Variants in CCDC171 observed in about 807,000 individuals in gnomAD.
CCDC171 encodes coiled-coil domain-containing protein 171.
CCDC171 carries 177 observed loss-of-function variants against 168.2 expected under a neutral mutation model. That is an observed-to-expected ratio of 1.05 (90% CI 0.93 to 1.19). The LOEUF (loss-of-function observed/expected upper bound fraction) is 1.19. Ranked by LOEUF, CCDC171 falls within the 50% of genes most tolerant of loss-of-function variation. The pLI, the probability that CCDC171 is intolerant of heterozygous loss-of-function variation, is 0.00. For missense variants in CCDC171, 1,991 were observed against 1,539.0 expected, an observed-to-expected ratio of 1.29 and a Z score of -4.91; for synonymous variants, 687 against 540.8, an observed-to-expected ratio of 1.27 and a Z score of -3.75.
Position 15,571,845 on chromosome 9 carries a change from C to G in CCDC171, c.177+86C>G. 8.3e-6 allele frequency: 10 copies of G among 1,203,676 alleles called. 1 individual carries two copies. Among genetic ancestry groups the G allele is most frequent in the Non-Finnish European group, 1.2e-5 (10 of 860,060 alleles). The allele number at this position is 1,203,676 out of a possible 1,614,324, so 74.6% of individuals were successfully genotyped here. A position where few individuals can be genotyped will look rare whatever the true frequency, so the allele number is the denominator to read the frequency against. On this transcript the variant is annotated intron_variant, in intron 3 of 25. Coordinates refer to ENST00000380701, the MANE Select transcript of CCDC171 (RefSeq NM_173550.4). Reference sequence around the variant, plus strand: ...TCATATGAAAAACTCCATGTTTAACCTTTATAACTATACCATTCTTGGGCT... The same window carrying G: ...TCATATGAAAAACTCCATGTTTAACGTTTATAACTATACCATTCTTGGGCT...
At chr9:15,761,122 G>A (rs777499052) in intron 18 of CCDC171, among the ~76,000 whole-genome samples, 4 of 152,298 alleles carry the variant, frequency 2.6e-5, no homozygotes, top group Non-Finnish European at 4.4e-5. Flanking sequence ...AGGAGTAGAT[G>A]GACATAAGTA....
chr9:15,939,706 C>A (rs1589186404), intron 25 of CCDC171, among the ~76,000 whole-genome samples: 1 of 151,894 alleles, frequency 6.6e-6, no homozygotes, highest in East Asian at 1.9e-4. Context: ...ACTTTTATGT[C>A]ATTTAGAAAT....
At chr9:15,854,144 C>T (rs2061257238) in intron 23 of CCDC171, among the ~76,000 whole-genome samples, 1 of 150,690 alleles carries the variant, frequency 6.6e-6, no homozygotes, top group African/African-American at 2.4e-5. Flanking sequence ...GCTCCCTTCT[C>T]TTCATTTTTT....
chr9:15,626,943 T>G (rs2045183978), intron 7 of CCDC171, among the ~76,000 whole-genome samples: 1 of 152,196 alleles, frequency 6.6e-6, no homozygotes, highest in Non-Finnish European at 1.5e-5. Flanking sequence ...ATCCATCTGG[T>G]CCTGGACATT....
At chr9:16,009,277 C>T (rs1274327835) in intron 3 of CCDC171, among the ~76,000 whole-genome samples, 1 of 152,088 alleles carries the variant, frequency 6.6e-6, no homozygotes, top group Non-Finnish European at 1.5e-5. Flanking sequence ...AAGGAAACTT[C>T]TGTCCGCTTG....
chr9:15,894,986 C>T (rs552154898), intron 24 of CCDC171, among the ~76,000 whole-genome samples: 9 of 152,078 alleles, frequency 5.9e-5, no homozygotes, highest in Admixed American at 2.0e-4. Context: ...ATGAATGAAC[C>T]AGGATTTTCT....
chr9:15,980,523 CTTTA>C (rs1399996307), intron 3 of CCDC171, among the ~76,000 whole-genome samples: 1 of 152,040 alleles, frequency 6.6e-6, no homozygotes, highest in Non-Finnish European at 1.5e-5. Flanking sequence ...CAGGCCCATG[CTTTA>C]TAATTAGGGT....
At chr9:15,857,304 G>T (rs1302851070) in intron 23 of CCDC171, among the ~76,000 whole-genome samples, 1 of 151,874 alleles carries the variant, frequency 6.6e-6, no homozygotes, top group African/African-American at 2.4e-5. Context: ...TCGTTGCAAA[G>T]GCTAATGTCA....
intron 21 of CCDC171, among the ~76,000 whole-genome samples, chr9:15,809,700 G>C (rs188143006): frequency 6.6e-6 from 1 of 152,186 alleles, no homozygotes; most frequent in Non-Finnish European, 1.5e-5. Context: ...GCAGACCTTC[G>C]TGGTGAGTGT....
At chr9:16,029,462 C>T (rs1403542290) in intron 6 of CCDC171, among the ~76,000 whole-genome samples, 3 of 152,192 alleles carry the variant, frequency 2.0e-5, no homozygotes, top group African/African-American at 7.2e-5. Context: ...CTGACAAAAG[C>T]TGTGTGGCCA....
chr9:16,039,203 A>C (rs889517280), upstream of CCDC171, among the ~76,000 whole-genome samples: 1 of 152,182 alleles, frequency 6.6e-6, no homozygotes, highest in African/African-American at 2.4e-5. Flanking sequence ...AATTTTCCGT[A>C]GTAAACTCCT....
At chr9:15,645,176 A>T (rs1250352765) in intron 7 of CCDC171, among the ~76,000 whole-genome samples, 1 of 152,246 alleles carries the variant, frequency 6.6e-6, no homozygotes, top group African/African-American at 2.4e-5. Context: ...CCTGCAGCTG[A>T]GGGTCCTGTT....
chr9:15,779,302 C>T (rs775637794), intron 20 of CCDC171, 152 bp downstream of exon 20: 114 of 467,110 alleles, frequency 2.4e-4, no homozygotes, highest in Non-Finnish European at 3.8e-4. Context: ...AACTTCCTGT[C>T]TAAAATGCCT....
intron 18 of CCDC171, among the ~76,000 whole-genome samples, chr9:15,765,600 G>A (rs1026031090): frequency 6.6e-6 from 1 of 152,186 alleles, no homozygotes; most frequent in Non-Finnish European, 1.5e-5. Flanking sequence ...AGTGAAATAA[G>A]CAAGACTATC....
At chr9:15,609,386 G>T (rs2043486266) in intron 6 of CCDC171, among the ~76,000 whole-genome samples, 1 of 152,164 alleles carries the variant, frequency 6.6e-6, no homozygotes, top group Non-Finnish European at 1.5e-5. Flanking sequence ...TGGGATTACA[G>T]GCGTGAACCA....
chr9:16,079,481 G>A, the CCDC171 span, among the ~76,000 whole-genome samples: 1 of 152,224 alleles, frequency 6.6e-6, no homozygotes, highest in African/African-American at 2.4e-5. Flanking sequence ...TGAAGGCAGA[G>A]ATCAGGTGAT....
intron 18 of CCDC171, 41 bp downstream of exon 18, chr9:15,745,672 G>A: frequency 1.7e-6 from 2 of 1,175,986 alleles, no homozygotes; most frequent in Non-Finnish European, 2.4e-6. Context: ...ATACATTTAA[G>A]AACAAATATC....
intron 24 of CCDC171, among the ~76,000 whole-genome samples, chr9:15,912,828 G>A (rs1823905917): frequency 6.6e-6 from 1 of 152,140 alleles, no homozygotes; most frequent in Non-Finnish European, 1.5e-5. Context: ...TTGTTTATGT[G>A]ATGGATTACA....
chr9:15,564,211 C>T, intron 2 of CCDC171, 82 bp downstream of exon 2: 1 of 1,001,224 alleles, frequency 1.0e-6, no homozygotes, highest in East Asian at 2.5e-5. Context: ...GTAGAGCTAA[C>T]TGTAAGAATT....
Sources: gnomAD v4.1 joint callset for allele counts (sites outside exome capture counted in the v4.1 genomes callset) on GRCh38, gnomAD v4.1.1 for gene constraint, MANE v1.5 for transcripts, NCBI Gene and HGNC (gene_info 2026-07-23, HGNC 2026-07-21) for gene names.